Variants in CNTN5 observed in about 807,000 individuals in gnomAD.
CNTN5 encodes the protein contactin-5.
Under a neutral mutation model 129.1 loss-of-function variants are expected in CNTN5, and 77 were observed. The observed-to-expected ratio is 0.60, with a 90% CI of 0.50 to 0.72. The LOEUF (loss-of-function observed/expected upper bound fraction) is 0.72. Among genes scored for constraint, CNTN5 ranks in the 30% least tolerant of loss-of-function variants. The probability of loss-of-function intolerance (pLI) is 0.00; values close to 1 mark genes in which losing one functional copy is unlikely to be tolerated. For synonymous variants in CNTN5, 509 were observed against 465.6 expected (o/e 1.09, Z -1.20); for missense variants, 1,478 against 1,328.8 (o/e 1.11, Z -1.75).
At chr11:100,164,429 C>A (rs934178477) in intron 13 of CNTN5, among the ~76,000 whole-genome samples, 2 of 151,554 alleles carry the variant, frequency 1.3e-5, no homozygotes, top group East Asian at 3.9e-4. Flanking sequence ...TATACCAATC[C>A]TCATATTACA....
At chr11:100,288,068 T>G (rs868439653) in intron 18 of CNTN5, among the ~76,000 whole-genome samples, 11 of 152,020 alleles carry the variant, frequency 7.2e-5, no homozygotes, top group Non-Finnish European at 8.8e-5. Flanking sequence ...CTATCCTAAA[T>G]ATATATGCAC....
intron 2 of CNTN5, among the ~76,000 whole-genome samples, chr11:99,444,171 C>A (rs898705182): frequency 6.6e-6 from 1 of 151,720 alleles, no homozygotes; most frequent in Non-Finnish European, 1.5e-5. Flanking sequence ...TGCACTCTCC[C>A]CTTGCTGACA....
At chr11:99,755,319 G>A (rs995405605) in intron 3 of CNTN5, among the ~76,000 whole-genome samples, 2 of 152,142 alleles carry the variant, frequency 1.3e-5, no homozygotes, top group Non-Finnish European at 2.9e-5. Context: ...CAAAGTGACT[G>A]TACCATTTTG....
intron 3 of CNTN5, among the ~76,000 whole-genome samples, chr11:99,784,726 C>A (rs990181111): frequency 6.6e-6 from 1 of 151,738 alleles, no homozygotes; most frequent in African/African-American, 2.4e-5. Flanking sequence ...CACATCCTCT[C>A]CAGCATCTGT....
chr11:100,086,141 T>C (rs1944544357), intron 13 of CNTN5, among the ~76,000 whole-genome samples: 1 of 151,892 alleles, frequency 6.6e-6, no homozygotes, highest in Non-Finnish European at 1.5e-5. Context: ...CTTAACTTAG[T>C]AGCCAAGAGG....
chr11:99,754,428 G>A (rs1591101340), intron 3 of CNTN5, among the ~76,000 whole-genome samples: 1 of 152,064 alleles, frequency 6.6e-6, no homozygotes, highest in Admixed American at 6.5e-5. Context: ...ATGTTGAAAA[G>A]TTTTAGCCAT....
chr11:99,104,716 G>A (rs1467358273), intron 1 of CNTN5, among the ~76,000 whole-genome samples: 1 of 151,638 alleles, frequency 6.6e-6, no homozygotes, highest in African/African-American at 2.4e-5. Flanking sequence ...ATTATAATTT[G>A]TAAAAATGCA....
intron 3 of CNTN5, among the ~76,000 whole-genome samples, chr11:99,722,748 T>TG (rs1178272600): frequency 6.6e-6 from 1 of 151,998 alleles, no homozygotes; most frequent in African/African-American, 2.4e-5. Context: ...TGGGTGTTCC[T>TG]GGTAAGACCC....
At chr11:100,197,594 C>T (rs1398182629) in intron 15 of CNTN5, among the ~76,000 whole-genome samples, 1 of 151,980 alleles carries the variant, frequency 6.6e-6, no homozygotes, top group African/African-American at 2.4e-5. Flanking sequence ...TGAATAGCAT[C>T]TGAGCTATTG....
At chr11:100,285,351 C>T (rs1950754167) in intron 18 of CNTN5, among the ~76,000 whole-genome samples, 1 of 152,144 alleles carries the variant, frequency 6.6e-6, no homozygotes, top group South Asian at 2.1e-4. Flanking sequence ...CTGCAGACAG[C>T]CAGCGTTCCA....
intron 3 of CNTN5, among the ~76,000 whole-genome samples, chr11:99,581,493 TTGCTTTATGAATCTGGGTGC>T (rs1949591025): frequency 6.7e-6 from 1 of 149,982 alleles, no homozygotes; most frequent in Non-Finnish European, 1.5e-5. Flanking sequence ...CACTAAGGAC[TTGCTTTATGAATCTGGGTGC>T]TCCTGTATTG....
At position 99,914,469 on chromosome 11, in the gene CNTN5, C is replaced by A. The variant is rs189290515; in HGVS notation, c.578-1585C>A. Among the ~76,000 whole-genome samples the A allele has an allele frequency of 1.7e-3, 262 of 152,094 alleles. 2 individuals are homozygous for A. Among genetic ancestry groups the A allele is most frequent in the African/African-American group, 5.9e-3 (247 of 41,520 alleles). ...CATGTGTATGTTGTATTATCTCATA[C>A]ATATGAAATTCAAAAAGAGACAAGC... On this transcript the variant is annotated intron_variant, in intron 6 of 24. Coordinates refer to ENST00000524871, the MANE Select transcript of CNTN5 (RefSeq NM_014361.4).
chr11:100,026,257 A>G (rs1367597466), intron 9 of CNTN5, among the ~76,000 whole-genome samples: 1 of 151,850 alleles, frequency 6.6e-6, no homozygotes, highest in Non-Finnish European at 1.5e-5. Context: ...CGCCTGGTGA[A>G]GAAGATGCCT....
chr11:99,027,745 T>A (rs898397430), intron 1 of CNTN5, among the ~76,000 whole-genome samples: 23 of 151,718 alleles, frequency 1.5e-4, no homozygotes, highest in African/African-American at 2.4e-5. Context: ...ATTTCTGGTA[T>A]TACATTGCTT....
At chr11:99,640,724 C>T (rs992385617) in intron 3 of CNTN5, among the ~76,000 whole-genome samples, 5 of 152,154 alleles carry the variant, frequency 3.3e-5, no homozygotes, top group African/African-American at 1.2e-4. Flanking sequence ...CTATACCATA[C>T]CTATAGTCTA....
intron 3 of CNTN5, among the ~76,000 whole-genome samples, chr11:99,792,737 C>T (rs374144469): frequency 3.3e-5 from 5 of 152,206 alleles, no homozygotes; most frequent in African/African-American, 1.2e-4. Context: ...CAGAATTAAG[C>T]TGTGAATCTG....
At chr11:99,134,902 T>C (rs1482565592) in intron 1 of CNTN5, among the ~76,000 whole-genome samples, 1 of 152,212 alleles carries the variant, frequency 6.6e-6, no homozygotes, top group Non-Finnish European at 1.5e-5. Context: ...AAGCTGTGTG[T>C]CCAGCAAAAG....
At chr11:99,089,045 T>C (rs1866125065) in intron 1 of CNTN5, among the ~76,000 whole-genome samples, 1 of 152,154 alleles carries the variant, frequency 6.6e-6, no homozygotes, top group African/African-American at 2.4e-5. Flanking sequence ...ATTAAAAAAA[T>C]TGAATTGGAC....
At chr11:100,154,878 G>T (rs528648616) in intron 13 of CNTN5, among the ~76,000 whole-genome samples, 1 of 151,688 alleles carries the variant, frequency 6.6e-6, no homozygotes, top group Non-Finnish European at 1.5e-5. Context: ...TTTTTTTCTT[G>T]TAAATTTGTT....
Sources: allele counts gnomAD v4.1 joint callset (sites outside exome capture counted in the v4.1 genomes callset), GRCh38; gene constraint gnomAD v4.1.1; transcripts MANE v1.5; gene names NCBI Gene and HGNC (gene_info 2026-07-23, HGNC 2026-07-21).